The following NCAPG2 variants were observed in gnomAD, a reference collection of about 807,000 sequenced individuals.
NCAPG2 encodes the protein condensin-2 complex subunit G2.
A neutral mutation model predicts 141.1 loss-of-function variants in NCAPG2; 53 were observed. That is an observed-to-expected ratio of 0.38 (90% CI 0.30 to 0.47). NCAPG2 has a LOEUF of 0.47. Ranked by LOEUF, NCAPG2 falls within the 20% of genes least tolerant of loss-of-function variation. The probability of loss-of-function intolerance (pLI) is 0.99; values close to 1 mark genes in which losing one functional copy is unlikely to be tolerated. For missense variants in NCAPG2, 1,087 were observed against 1,389.0 expected (o/e 0.78, Z 3.46); for synonymous variants, 499 against 490.7 (o/e 1.02, Z -0.22).
intron 27 of NCAPG2, chr7:158,641,580 T>G (rs6947008): frequency 1.8e-6 from 1 of 566,158 alleles, no homozygotes; most frequent in Non-Finnish European, 3.1e-6. Flanking sequence ...AAAAAGGAAA[T>G]GAATAAAAAG....
intron 27 of NCAPG2, among the ~76,000 whole-genome samples, chr7:158,632,107 G>A (rs977604199): frequency 1.3e-5 from 2 of 152,118 alleles, no homozygotes; most frequent in Non-Finnish European, 2.9e-5. Context: ...GACCTACCAA[G>A]ATACTCTACT....
intron 13 of NCAPG2, among the ~76,000 whole-genome samples, chr7:158,667,515 T>C (rs1225067249): frequency 1.2e-5 from 1 of 82,054 alleles, no homozygotes; most frequent in Non-Finnish European, 2.4e-5. Flanking sequence ...ACTGGGTCCC[T>C]CCGCCCTCCT....
rs1226718853 is a variant in NCAPG2, at chr7:158,633,356, C to A, written c.3381-1639G>T. On this transcript the variant is annotated intron_variant, in intron 27 of 27. Transcript: ENST00000356309. This position sits in a 1 kb window ranked among gnomAD's most constrained non-coding sequence, Gnocchi z 4.1. ...ACACTTGAGCTCTAGACTGTCCTTT[C>A]GGGGTTACAGTTGACTCTTCTTCAA... 6.6e-6 allele frequency among the ~76,000 whole-genome samples: 1 copy of A among 152,188 alleles called. No individual in the cohort carries two copies.
intron 2 of NCAPG2, 121 bp downstream of exon 2, chr7:158,701,701 T>G (rs1395447378): frequency 1.1e-6 from 1 of 887,804 alleles, no homozygotes; most frequent in African/African-American, 1.7e-5. Context: ...TTCTTTCAAA[T>G]AAACATTGGT....
chr7:158,688,045 T>C (rs1834882315), intron 6 of NCAPG2, among the ~76,000 whole-genome samples: 1 of 152,120 alleles, frequency 6.6e-6, no homozygotes, highest in Non-Finnish European at 1.5e-5. Flanking sequence ...ATAAGATGCA[T>C]CTATCTAGAA....
In NCAPG2 at chr7:158,655,182, A is replaced by G; in HGVS notation, c.2582T>C (p.Phe861Ser). 1 of 1,614,166 alleles carries G rather than the reference A, an allele frequency of 6.2e-7. No individual in the cohort carries two copies. Among genetic ancestry groups the G allele is most frequent in the Non-Finnish European group, 8.5e-7 (1 of 1,180,018 alleles). The change falls in exon 21 of 28, where the codon TTT (phenylalanine) becomes TCT (serine). Residue 861 changes from phenylalanine (F) to serine (S), a missense_variant. By Grantham distance (155) the Phe-to-Ser change is radical. Transcript: ENST00000356309. ...GTAGTCTTCTTCTTGATCTTGAATA[A>G]AAGATAAAATTTTGCTTTCTAACCA... ...GFWLESKILS[F>S]IQDQEEDYLK...
chr7:158,640,423 C>T (rs1830564517), intron 27 of NCAPG2: 1 of 152,178 alleles, frequency 6.6e-6, no homozygotes, highest in Non-Finnish European at 1.5e-5. Context: ...ATACCAGCTA[C>T]TCAGCAGGCT....
chr7:158,692,988 T>A, intron 3 of NCAPG2, 32 bp from the exon 4 acceptor site: 1 of 1,347,864 alleles, frequency 7.4e-7, no homozygotes, highest in Non-Finnish European at 1.0e-6. Flanking sequence ...ATGAGTGAAT[T>A]AAAATCATCA....
At position 158,667,575 on chromosome 7, in the gene NCAPG2, C is replaced by T. The variant is rs1487449702; in HGVS notation, c.1480-2825G>A. On this transcript the variant is annotated intron_variant, in intron 13 of 27. Coordinates refer to ENST00000356309, the MANE Select transcript of NCAPG2 (RefSeq NM_017760.7). ...GCTTACCCACTACTGGGTCCCTCCG[C>T]CCTCCCTTACCCACTACTGGGTCCC... Among the ~76,000 whole-genome samples, 3 of 23,884 alleles carry T rather than the reference C, an allele frequency of 1.3e-4. 1 individual carries two copies. The highest frequency in any genetic ancestry group is 2.2e-4 in the Non-Finnish European group (3 of 13,486). The allele number at this position is 23,884 out of a possible 152,430, so 15.7% of individuals were successfully genotyped here.
chr7:158,662,114 A>G, intron 16 of NCAPG2, 80 bp downstream of exon 16: 2 of 1,338,144 alleles, frequency 1.5e-6, no homozygotes, highest in Non-Finnish European at 2.0e-6. Flanking sequence ...AGGGAGGTAA[A>G]CATGTTTGAG....
intron 13 of NCAPG2, among the ~76,000 whole-genome samples, chr7:158,666,821 T>A (rs1333657756): frequency 6.6e-6 from 1 of 152,030 alleles, no homozygotes; most frequent in African/African-American, 2.4e-5. Context: ...AGGGTTGACA[T>A]CTCCTGGCCC....
intron 15 of NCAPG2, among the ~76,000 whole-genome samples, chr7:158,663,292 T>A (rs575194682): frequency 6.6e-6 from 1 of 152,362 alleles, no homozygotes; most frequent in South Asian, 2.1e-4. Context: ...GAGGGTGTAG[T>A]GAGCCCAGGG....
chr7:158,656,323 C>T lies in NCAPG2; in HGVS notation c.2325G>A (p.Glu775=). The T allele has an allele frequency of 6.2e-7, 1 of 1,614,204 alleles. No individual in the cohort carries two copies. Among genetic ancestry groups the T allele is most frequent in the Non-Finnish European group, 8.5e-7 (1 of 1,180,034 alleles). The change falls in exon 19 of 28, where the codon GAG becomes GAA. Residue 775 remains glutamate, a synonymous_variant. Transcript: ENST00000356309. Reference sequence around the variant, plus strand: ...TCTTCCGAGGAGCAGAGAGCAAGCACTCGCGGTTCTTTGGATGAGTCAGCA... The same window carrying T: ...TCTTCCGAGGAGCAGAGAGCAAGCATTCGCGGTTCTTTGGATGAGTCAGCA... ...EYLLTHPKNR[E]CLLSAPRKKL...
intron 24 of NCAPG2, among the ~76,000 whole-genome samples, chr7:158,648,142 A>G (rs1018528494): frequency 6.6e-6 from 1 of 152,236 alleles, no homozygotes; most frequent in Non-Finnish European, 1.5e-5. Context: ...TTTCTTAAAC[A>G]GTGAGACAAA....
chr7:158,647,374 A>G (rs563824244), intron 24 of NCAPG2, among the ~76,000 whole-genome samples: 31 of 152,268 alleles, frequency 2.0e-4, no homozygotes, highest in African/African-American at 7.5e-4. Context: ...AAATGTTCCT[A>G]CACATCACAG....
intron 27 of NCAPG2, chr7:158,639,966 G>A (rs1482002423): frequency 2.2e-6 from 1 of 458,384 alleles, no homozygotes; most frequent in Non-Finnish European, 2.8e-6. Context: ...AATTTCAGAA[G>A]AGAGAAAGGA....
intron 1 of NCAPG2, among the ~76,000 whole-genome samples, chr7:158,702,814 A>ATTTAACTT (rs1835894697): frequency 6.6e-6 from 1 of 152,214 alleles, no homozygotes; most frequent in Non-Finnish European, 1.5e-5. Context: ...ACCTCAGTTT[A>ATTTAACTT]ATGACTCCCG....
intron 6 of NCAPG2, among the ~76,000 whole-genome samples, chr7:158,689,050 A>G (rs146588738): frequency 1.1e-3 from 171 of 152,314 alleles, no homozygotes; most frequent in African/African-American, 3.9e-3. Flanking sequence ...CTGAGCATGT[A>G]GTCGACGCTC....
intron 13 of NCAPG2, chr7:158,667,269 T>G (rs1203399211): frequency 1.0e-6 from 1 of 969,528 alleles, no homozygotes; most frequent in African/African-American, 1.8e-5. Context: ...CCTGTGTCCC[T>G]CCGCCTCCCT....
Sources: allele counts gnomAD v4.1 joint callset (sites outside exome capture counted in the v4.1 genomes callset), GRCh38; gene constraint gnomAD v4.1.1; non-coding constraint Gnocchi (gnomAD v3.1); transcripts MANE v1.5; gene names NCBI Gene and HGNC (gene_info 2026-07-23, HGNC 2026-07-21).